MARCHF1: variants seen among roughly 807,000 people sequenced by gnomAD.
The protein encoded by MARCHF1 is membrane associated ring-CH-type finger 1, also known as E3 ubiquitin-protein ligase MARCHF1.
Under a neutral mutation model 54.2 loss-of-function variants are expected in MARCHF1, and 40 were observed. The ratio of observed to expected loss-of-function variants is 0.74; its 90% CI spans 0.57 to 0.96. The LOEUF (loss-of-function observed/expected upper bound fraction) is 0.96. Among genes scored for constraint, MARCHF1 ranks in the 40% least tolerant of loss-of-function variants. The probability of loss-of-function intolerance (pLI) is 0.00; values close to 1 mark genes in which losing one functional copy is unlikely to be tolerated. For synonymous variants in MARCHF1, 236 were observed against 236.3 expected (o/e 1.00, Z 0.01); for missense variants, 586 against 656.5 (o/e 0.89, Z 1.17).
chr4:164,138,228 T>C (rs918031692), intron 1 of MARCHF1, among the ~76,000 whole-genome samples: 1 of 152,150 alleles, frequency 6.6e-6, no homozygotes, highest in Non-Finnish European at 1.5e-5. Context: ...AGGTTTTTTT[T>C]TTCTTTTGCA....
intron 1 of MARCHF1, among the ~76,000 whole-genome samples, chr4:164,157,108 GTATT>G: frequency 6.6e-6 from 1 of 151,886 alleles, no homozygotes; most frequent in African/African-American, 2.4e-5. Context: ...ACATTTAAAT[GTATT>G]TATTTCTCCA....
At chr4:163,901,793 C>G (rs1750947079) in intron 3 of MARCHF1, among the ~76,000 whole-genome samples, 2 of 152,172 alleles carry the variant, frequency 1.3e-5, no homozygotes, top group African/African-American at 2.4e-5. Flanking sequence ...CCCTTTTATC[C>G]TATCTACTGA....
At chr4:164,089,005 T>C (rs1157226857) in intron 2 of MARCHF1, among the ~76,000 whole-genome samples, 1 of 152,194 alleles carries the variant, frequency 6.6e-6, no homozygotes, top group Non-Finnish European at 1.5e-5. Flanking sequence ...TGAAAACATG[T>C]ATCTAACCTA....
At chr4:163,586,704 A>G (rs1352832401) in intron 7 of MARCHF1, among the ~76,000 whole-genome samples, 2 of 152,334 alleles carry the variant, frequency 1.3e-5, no homozygotes, top group Non-Finnish European at 2.9e-5. Context: ...GCTTTCATAT[A>G]TAAAAGTTAT....
At chr4:164,351,901 C>T (rs1467639275) in intron 1 of MARCHF1, among the ~76,000 whole-genome samples, 1 of 151,176 alleles carries the variant, frequency 6.6e-6, no homozygotes, top group African/African-American at 2.4e-5. Context: ...AGAACCAATA[C>T]AGACAAGTGC....
chr4:164,278,333 G>A (rs897809570), intron 1 of MARCHF1, among the ~76,000 whole-genome samples: 2 of 151,994 alleles, frequency 1.3e-5, no homozygotes, highest in Non-Finnish European at 2.9e-5. Flanking sequence ...AAATCACTAA[G>A]CAAAATAAGA....
chr4:163,719,034 T>G (rs1216416463), intron 4 of MARCHF1, among the ~76,000 whole-genome samples: 1 of 152,198 alleles, frequency 6.6e-6, no homozygotes, highest in Non-Finnish European at 1.5e-5. Context: ...CAAGCTCATC[T>G]TTTTTATTTA....
intron 2 of MARCHF1, among the ~76,000 whole-genome samples, chr4:164,065,560 G>A (rs905298056): frequency 6.6e-6 from 1 of 152,086 alleles, no homozygotes; most frequent in Non-Finnish European, 1.5e-5. Flanking sequence ...GTTCTCCAGA[G>A]GAACAGAACT....
intron 5 of MARCHF1, among the ~76,000 whole-genome samples, chr4:163,661,423 T>C (rs145135181): frequency 6.6e-6 from 1 of 152,118 alleles, no homozygotes; most frequent in Non-Finnish European, 1.5e-5. Flanking sequence ...AGCTGTTGCT[T>C]TGCCCTGACA....
chr4:163,949,364 C>A (rs1032053169), intron 3 of MARCHF1, among the ~76,000 whole-genome samples: 1 of 152,154 alleles, frequency 6.6e-6, no homozygotes, highest in African/African-American at 2.4e-5. Flanking sequence ...AACTGCAAAG[C>A]CCCAAAGAGG....
intron 1 of MARCHF1, among the ~76,000 whole-genome samples, chr4:164,165,656 G>A (rs1481624157): frequency 6.6e-6 from 1 of 151,914 alleles, no homozygotes; most frequent in Non-Finnish European, 1.5e-5. Context: ...ACATATTGAA[G>A]GCCTCTTGTA....
intron 4 of MARCHF1, among the ~76,000 whole-genome samples, chr4:163,826,567 G>A (rs756809377): frequency 1.1e-4 from 16 of 151,900 alleles, no homozygotes; most frequent in South Asian, 2.1e-4. Flanking sequence ...CTAAACATGC[G>A]CTGTATTAAG....
At chr4:164,283,921 T>A (rs1440314276) in intron 1 of MARCHF1, among the ~76,000 whole-genome samples, 1 of 151,008 alleles carries the variant, frequency 6.6e-6, no homozygotes, top group Non-Finnish European at 1.5e-5. Context: ...ATTAGAAACA[T>A]CAATAAGCAC....
chr4:163,843,012 T>G (rs1306455114), intron 4 of MARCHF1, among the ~76,000 whole-genome samples: 1 of 152,106 alleles, frequency 6.6e-6, no homozygotes, highest in Non-Finnish European at 1.5e-5. Flanking sequence ...TATGTCCCCC[T>G]GCCCTCCTCC....
intron 1 of MARCHF1, among the ~76,000 whole-genome samples, chr4:164,137,449 C>T (rs1024549621): frequency 6.6e-6 from 1 of 152,132 alleles, no homozygotes; most frequent in African/African-American, 2.4e-5. Context: ...TTTCATGCAA[C>T]ATCAACAGAG....
At chr4:164,032,203 T>A (rs1225512017) in intron 2 of MARCHF1, among the ~76,000 whole-genome samples, 2 of 152,270 alleles carry the variant, frequency 1.3e-5, no homozygotes, top group African/African-American at 4.8e-5. Flanking sequence ...TCTTATTGTG[T>A]CTATTTGATT....
chr4:164,332,713 A>G (rs4328871), intron 1 of MARCHF1, among the ~76,000 whole-genome samples: 66,180 of 152,054 alleles, frequency 0.44, 15,027 homozygotes, highest in Non-Finnish European at 0.5. Context: ...CCTTAACTGC[A>G]TCATGATTAA....
chr4:164,132,211 C>G (rs542582826), intron 1 of MARCHF1, among the ~76,000 whole-genome samples: 13 of 152,094 alleles, frequency 8.5e-5, no homozygotes, highest in Non-Finnish European at 1.8e-4. Context: ...CTTCGTTTCA[C>G]GAGGATCTTA....
intron 1 of MARCHF1, among the ~76,000 whole-genome samples, chr4:164,130,708 C>G (rs1175890031): frequency 6.6e-6 from 1 of 152,168 alleles, no homozygotes; most frequent in Non-Finnish European, 1.5e-5. Context: ...AATGACTTCT[C>G]TAAATACTAA....
Sources: allele counts gnomAD v4.1 joint callset (sites outside exome capture counted in the v4.1 genomes callset), GRCh38; gene constraint gnomAD v4.1.1; transcripts MANE v1.5; gene names NCBI Gene and HGNC (gene_info 2026-07-23, HGNC 2026-07-21).